The following PRKN variants were observed in gnomAD, a reference collection of about 807,000 sequenced individuals.
PRKN encodes the protein parkin RBR E3 ubiquitin protein ligase, also known as E3 ubiquitin-protein ligase parkin.
In PRKN, 56 loss-of-function variants were observed where a neutral mutation model predicts 59.5. The ratio of observed to expected loss-of-function variants is 0.94; its 90% CI spans 0.76 to 1.18. The LOEUF (loss-of-function observed/expected upper bound fraction) is 1.18. Ranked by LOEUF, PRKN falls within the 50% of genes most tolerant of loss-of-function variation. The pLI, the probability that PRKN is intolerant of heterozygous loss-of-function variation, is 0.00. For missense variants in PRKN, 657 were observed against 596.4 expected (o/e 1.10, Z -1.06); for synonymous variants, 250 against 222.1 (o/e 1.13, Z -1.12).
intron 7 of PRKN, among the ~76,000 whole-genome samples, chr6:161,680,548 C>G (rs6455758): frequency 0.78 from 118,498 of 150,976 alleles, 46,653 homozygotes; most frequent in East Asian, 0.88. Flanking sequence ...ATGTTACAGT[C>G]AGTATTAAAA....
intron 1 of PRKN, among the ~76,000 whole-genome samples, chr6:162,689,235 T>C (rs1777680658): frequency 6.6e-6 from 1 of 152,204 alleles, no homozygotes; most frequent in Non-Finnish European, 1.5e-5. Flanking sequence ...GGGGCATTAC[T>C]CAGAGGGCAT....
chr6:161,830,220 T>C (rs944179830), intron 6 of PRKN, among the ~76,000 whole-genome samples: 3 of 152,058 alleles, frequency 2.0e-5, no homozygotes, highest in African/African-American at 4.8e-5. Context: ...TCCTGTCTCC[T>C]AGTGTGTCGG....
chr6:161,755,840 C>G (rs919506459), intron 7 of PRKN, among the ~76,000 whole-genome samples: 3 of 152,058 alleles, frequency 2.0e-5, no homozygotes, highest in African/African-American at 7.2e-5. Flanking sequence ...AATGTCTTAT[C>G]AAGCAGGTGA....
chr6:162,063,826 A>G (rs1325951231), intron 4 of PRKN, among the ~76,000 whole-genome samples: 2 of 152,240 alleles, frequency 1.3e-5, no homozygotes, highest in African/African-American at 2.4e-5. Context: ...ATTACAGGCA[A>G]GAGCCGCAGC....
intron 1 of PRKN, among the ~76,000 whole-genome samples, chr6:162,450,126 A>T (rs901129079): frequency 3.3e-5 from 5 of 152,128 alleles, no homozygotes; most frequent in Non-Finnish European, 5.9e-5. Context: ...ATTTCTATCT[A>T]TCCACGTCTC....
intron 7 of PRKN, among the ~76,000 whole-genome samples, chr6:161,641,266 C>G (rs1783727167): frequency 6.6e-6 from 1 of 152,180 alleles, no homozygotes; most frequent in Admixed American, 6.5e-5. Context: ...CTGGAGGCTG[C>G]AAAATTCTCA....
chr6:162,548,016 C>G (rs1404730351), intron 1 of PRKN, among the ~76,000 whole-genome samples: 1 of 152,122 alleles, frequency 6.6e-6, no homozygotes, highest in East Asian at 1.9e-4. Context: ...AACCTCCCTC[C>G]TGACACTGGA....
rs1317409347 is a variant in PRKN, at chr6:161,576,668, A to G, written c.872-7252T>C. Among the ~76,000 whole-genome samples the G allele has an allele frequency of 2.0e-5, 3 of 152,210 alleles. No individual in the cohort carries two copies. Among genetic ancestry groups the G allele is most frequent in the Admixed American group, 2.0e-4 (3 of 15,290 alleles). ...GGCGAGAGACAATAAAAATAAACTA[A>G]TAAGTAGGTAAATGAAGTAACATTT... On this transcript the variant is annotated intron_variant, in intron 7 of 11. Transcript: ENST00000366898. The surrounding 1 kb of genome is among the most constrained non-coding windows in gnomAD (Gnocchi z 4.6).
At chr6:162,343,428 A>G (rs548552702) in intron 2 of PRKN, among the ~76,000 whole-genome samples, 1 of 152,320 alleles carries the variant, frequency 6.6e-6, no homozygotes, top group African/African-American at 2.4e-5. Context: ...AGCAGTAGCC[A>G]TAGCTCTTAC....
At chr6:162,650,495 G>A (rs1434491570) in intron 1 of PRKN, among the ~76,000 whole-genome samples, 1 of 150,254 alleles carries the variant, frequency 6.7e-6, no homozygotes, top group African/African-American at 2.4e-5. Context: ...CTACTTGGGA[G>A]GCTGAGGCAG....
At chr6:161,637,574 A>G (rs1268504487) in intron 7 of PRKN, among the ~76,000 whole-genome samples, 2 of 152,188 alleles carry the variant, frequency 1.3e-5, no homozygotes, top group Admixed American at 1.3e-4. Flanking sequence ...TCGTGTTTCT[A>G]CAGAACAAGG....
intron 3 of PRKN, among the ~76,000 whole-genome samples, chr6:162,227,058 A>AG (rs1174662141): frequency 1.3e-5 from 2 of 152,214 alleles, no homozygotes; most frequent in African/African-American, 4.8e-5. Flanking sequence ...GTCATACAGC[A>AG]GGAGGAGCAC....
At chr6:162,638,781 G>C (rs1256997374) in intron 1 of PRKN, among the ~76,000 whole-genome samples, 1 of 101,606 alleles carries the variant, frequency 9.8e-6, no homozygotes, top group Non-Finnish European at 1.8e-5. Flanking sequence ...TTTTGCTCTT[G>C]TTGCCCATGC....
chr6:161,794,953 C>T (rs112857896), intron 6 of PRKN, among the ~76,000 whole-genome samples: 2 of 152,152 alleles, frequency 1.3e-5, no homozygotes, highest in African/African-American at 4.8e-5. Context: ...GGCGCGATCT[C>T]AGCTCACTGC....
Position 161,428,056 on chromosome 6 carries a change from T to C in PRKN, c.1084-41179A>G, listed in dbSNP as rs1321981347. 6.6e-6 allele frequency among the ~76,000 whole-genome samples: 1 copy of C among 152,154 alleles called. No homozygotes were observed. Among genetic ancestry groups the C allele is most frequent in the Non-Finnish European group, 1.5e-5 (1 of 68,042 alleles). On this transcript the variant is annotated intron_variant, in intron 9 of 11. Transcript: ENST00000366898. This position sits in a 1 kb window ranked among gnomAD's most constrained non-coding sequence, Gnocchi z 4.0. Reference sequence around the variant, plus strand: ...AAGCTCGCTGCAGTCTGAGTGTGTCTCCGTGGAGCTCGGCATTTGGACACA... The same window carrying C: ...AAGCTCGCTGCAGTCTGAGTGTGTCCCCGTGGAGCTCGGCATTTGGACACA...
At position 161,377,630 on chromosome 6, in the gene PRKN, C is replaced by T. The variant is rs968988056; in HGVS notation, c.1167+9164G>A. On this transcript the variant is annotated intron_variant, in intron 10 of 11. Coordinates refer to ENST00000366898, the MANE Select transcript of PRKN (RefSeq NM_004562.3). The surrounding 1 kb of genome is among the most constrained non-coding windows in gnomAD (Gnocchi z 4.2). ...TTTGTGTCTCCCCAGATTCCTATGT[C>T]GAAACCTAATCACCAAGGCGGTGGG... Among the ~76,000 whole-genome samples the T allele has an allele frequency of 2.6e-5, 4 of 152,176 alleles. No individual in the cohort carries two copies. The highest frequency in any genetic ancestry group is 3.9e-4 in the East Asian group (2 of 5,174).
intron 3 of PRKN, among the ~76,000 whole-genome samples, chr6:162,245,171 C>T (rs35402360): frequency 0.015 from 2,267 of 152,002 alleles, 32 homozygotes; most frequent in Non-Finnish European, 0.024. Flanking sequence ...TCTTTCAATG[C>T]GATGTAGGTT....
At chr6:162,025,478 T>G (rs1415503722) in intron 5 of PRKN, among the ~76,000 whole-genome samples, 1 of 152,056 alleles carries the variant, frequency 6.6e-6, no homozygotes, top group Non-Finnish European at 1.5e-5. Flanking sequence ...TCATTCCATC[T>G]TTTTAGTGAC....
At chr6:162,152,924 CAA>C (rs1782334579) in intron 4 of PRKN, among the ~76,000 whole-genome samples, 2 of 152,156 alleles carry the variant, frequency 1.3e-5, no homozygotes, top group Admixed American at 1.3e-4. Flanking sequence ...TAATTTGTCT[CAA>C]AATGTGTTCC....
Sources: allele counts gnomAD v4.1 joint callset (sites outside exome capture counted in the v4.1 genomes callset), GRCh38; gene constraint gnomAD v4.1.1; non-coding constraint Gnocchi (gnomAD v3.1); transcripts MANE v1.5; gene names NCBI Gene and HGNC (gene_info 2026-07-23, HGNC 2026-07-21).